OR2T33: variants seen among roughly 807,000 people sequenced by gnomAD.
OR2T33 encodes olfactory receptor 2T33.
Under a neutral mutation model 14.0 loss-of-function variants are expected in OR2T33, and 10 were observed. The ratio of observed to expected loss-of-function variants is 0.72; its 90% CI spans 0.44 to 1.22. The LOEUF (loss-of-function observed/expected upper bound fraction) is 1.22, where lower values mean the gene tolerates loss of function less well. OR2T33 is among the 50% of genes most tolerant of loss of function. The probability of loss-of-function intolerance (pLI) is 0.00; values close to 1 mark genes in which losing one functional copy is unlikely to be tolerated. For synonymous variants in OR2T33, 103 were observed against 159.4 expected (o/e 0.65, Z 2.66); for missense variants, 276 against 405.9 (o/e 0.68, Z 2.75).
intron 1 of OR2T33, among the ~76,000 whole-genome samples, chr1:248,274,257 T>C (rs930828658): frequency 6.6e-6 from 1 of 152,212 alleles, no homozygotes; most frequent in African/African-American, 2.4e-5. Flanking sequence ...CCCAAACATA[T>C]TCAAGATAGG....
At position 248,273,308 on chromosome 1, in the gene OR2T33, T is replaced by C; in HGVS notation, c.507A>G (p.Ala169=). 1.2e-6 allele frequency: 2 copies of C among 1,610,292 alleles called. No individual in the cohort carries two copies. The highest frequency in any genetic ancestry group is 1.7e-6 in the Non-Finnish European group (2 of 1,179,016). ...VVTLSFPYCG[A]HEIDHFFCET... is the part of the protein sequence containing the mutation. ...CGCAGAAGAAGTGATCGATCTCGTG[T>C]GCACCACAATATGGGAAGCTCAGGG... is the stretch of plus-strand genomic sequence containing the variant. The change falls in exon 2 of 2, where the codon GCA becomes GCG. Residue 169 remains alanine, a synonymous_variant. Transcript: ENST00000641220.
Position 248,272,850 on chromosome 1 carries a change from G to A in OR2T33, c.*2C>T, listed in dbSNP as rs1659389723. On this transcript the variant is annotated 3_prime_UTR_variant, in exon 2 of 2. Transcript: ENST00000641220. Reference sequence around the variant, plus strand: ...AGGAACTTAGACTCATTTGACATTAGATCATCTTGACCTGTGGGCCTCATT... The same window carrying A: ...AGGAACTTAGACTCATTTGACATTAAATCATCTTGACCTGTGGGCCTCATT... 4 of 1,605,736 alleles carry A rather than the reference G, an allele frequency of 2.5e-6. No homozygotes were observed. The highest frequency in any genetic ancestry group is 3.4e-6 in the Non-Finnish European group (4 of 1,176,032).
At position 248,273,068 on chromosome 1, in the gene OR2T33, A is replaced by G. The variant is rs552737621; in HGVS notation, c.747T>C (p.Phe249=). The G allele has an allele frequency of 2.5e-6, 4 of 1,613,242 alleles. No individual in the cohort carries two copies. The highest frequency in any genetic ancestry group is 4.5e-5 in the East Asian group (2 of 44,876). The change falls in exon 2 of 2, where the codon TTT becomes TTC. Residue 249 remains phenylalanine, a synonymous_variant. Transcript: ENST00000641220. The part of the protein sequence containing the change: ...CSSHVAVVGL[F]YGAAIFTYMR... ...TATAGGTAAAAATGGCAGCTCCATA[A>G]AAGAGTCCCACCACAGCCACATGTG...
chr1:248,274,251 A>G (rs899393682), intron 1 of OR2T33, among the ~76,000 whole-genome samples: 3 of 152,322 alleles, frequency 2.0e-5, no homozygotes, highest in African/African-American at 7.2e-5. Context: ...TGGAAACCCA[A>G]ACATATTCAA....
At chr1:248,275,816 T>G (rs928636255) in intron 1 of OR2T33, among the ~76,000 whole-genome samples, 3 of 152,190 alleles carry the variant, frequency 2.0e-5, no homozygotes, top group Non-Finnish European at 4.4e-5. Flanking sequence ...TGTCATGATT[T>G]TAGGAAGTAT....
chr1:248,276,656 T>G (rs1035853326), intron 1 of OR2T33, among the ~76,000 whole-genome samples: 2 of 152,178 alleles, frequency 1.3e-5, no homozygotes, highest in Admixed American at 1.3e-4. Flanking sequence ...CCATTGTTTT[T>G]TTCTTTAACA....
rs949334352 is a variant in OR2T33 at position 248,271,074 on chromosome 1, A to G, written c.*1778T>C. ...CTAGGTAATGGCATATTTTAAAATG[A>G]CATAAAGATACCACCACTAGAAGGG... On this transcript the variant is annotated 3_prime_UTR_variant, in exon 2 of 2. Transcript: ENST00000641220. 1.3e-5 allele frequency: 2 copies of G among 152,182 alleles called. No individual in the cohort carries two copies. The highest frequency in any genetic ancestry group is 2.9e-5 in the Non-Finnish European group (2 of 68,024). The allele number at this position is 152,182 out of a possible 1,614,324, so 9.4% of individuals were successfully genotyped here.
At chr1:248,276,180 G>C (rs1248520338) in intron 1 of OR2T33, among the ~76,000 whole-genome samples, 1 of 152,020 alleles carries the variant, frequency 6.6e-6, no homozygotes, top group Non-Finnish European at 1.5e-5. Flanking sequence ...TAATGCTGCT[G>C]CTGATCTGAA....
intron 1 of OR2T33, among the ~76,000 whole-genome samples, chr1:248,274,829 T>C (rs1010550252): frequency 6.6e-6 from 1 of 152,196 alleles, no homozygotes; most frequent in Non-Finnish European, 1.5e-5. Context: ...AAATTGATAT[T>C]TGGCCTGTCT....
At chr1:248,273,862 G>A (rs1470445358) in intron 1 of OR2T33, 40 bp from the exon 2 acceptor site, 1 of 1,570,494 alleles carries the variant, frequency 6.4e-7, no homozygotes, top group Non-Finnish European at 8.6e-7. Flanking sequence ...AGAAGGAAGA[G>A]GCTTTTATGG....
Position 248,273,732 on chromosome 1 carries a change from A to G in OR2T33, c.83T>C (p.Met28Thr). 1.9e-6 allele frequency: 3 copies of G among 1,613,890 alleles called. No individual in the cohort carries two copies. Among genetic ancestry groups the G allele is most frequent in the Non-Finnish European group, 2.5e-6 (3 of 1,179,812 alleles). ...HTRAHQVLFM[M>T]VLSIVLTSLF... ...GGAGGTCAAAACGATACTCAGAACC[A>G]TCATGAAGAGGACTTGGTGGGCTCT... The change falls in exon 2 of 2, where the codon ATG becomes ACG. Residue 28 changes from methionine to threonine, a missense_variant. Physicochemically the swap from Met to Thr is moderately conservative, Grantham distance 81. Transcript: ENST00000641220.
At chr1:248,274,033 A>G (rs1659421935) in intron 1 of OR2T33, among the ~76,000 whole-genome samples, 1 of 152,192 alleles carries the variant, frequency 6.6e-6, no homozygotes, top group African/African-American at 2.4e-5. Flanking sequence ...GAGATCGTGT[A>G]CTACAAACAG....
In OR2T33 at chr1:248,270,747, A is replaced by G. The variant is rs1440440017; in HGVS notation, c.*2105T>C. The stretch of plus-strand genomic sequence containing the variant: ...TATATAATTTTTATAGAGATAATAC[A>G]TAAGAAACACCCACTAATCGTAGAA... On this transcript the variant is annotated 3_prime_UTR_variant, in exon 2 of 2. Transcript: ENST00000641220. 1 of 152,210 alleles carries G rather than the reference A, an allele frequency of 6.6e-6. No homozygotes were observed. The highest frequency in any genetic ancestry group is 1.5e-5 in the Non-Finnish European group (1 of 68,044). The allele number at this position is 152,210 out of a possible 1,614,324, so 9.4% of individuals were successfully genotyped here.
At chr1:248,277,138 A>C (rs1474200402) in intron 1 of OR2T33, among the ~76,000 whole-genome samples, 1 of 149,756 alleles carries the variant, frequency 6.7e-6, no homozygotes, top group Non-Finnish European at 1.5e-5. Context: ...ACATATATTT[A>C]TATATATTTC....
rs1481594776 is a variant in OR2T33 at position 248,270,282 on chromosome 1, G to A, written c.*2570C>T. ...CGGGGCCTGTTGTGGGGTGGGGGAA[G>A]CGGGGAGGGATAGCACTAGGAGATA... is the stretch of plus-strand genomic sequence containing the variant. On this transcript the variant is annotated 3_prime_UTR_variant, in exon 2 of 2. Coordinates refer to ENST00000641220, the MANE Select transcript of OR2T33 (RefSeq NM_001004695.2). 1.3e-5 allele frequency: 2 copies of A among 152,168 alleles called. No homozygotes were observed. The highest frequency in any genetic ancestry group is 2.9e-5 in the Non-Finnish European group (2 of 68,078). The allele number at this position is 152,168 out of a possible 1,614,324, so 9.4% of individuals were successfully genotyped here.
rs567914904 is a variant in OR2T33 at position 248,273,473 on chromosome 1, T to C, written c.342A>G (p.Ala114=). 9.3e-6 allele frequency: 15 copies of C among 1,612,716 alleles called. No individual in the cohort carries two copies. In the Admixed American group the frequency reaches 1.8e-4, roughly 20 times the overall value. ...CCGCATAGCGGTCATAGGCCATGGC[T>C]GCTAAGAGGAAGCACTCTCCACCAC... The part of the protein sequence containing the change: ...TLGGGECFLL[A]AMAYDRYAAV... Residue 114 remains alanine (A), a synonymous_variant, in exon 2 of 2, where the codon GCA becomes GCG. Transcript: ENST00000641220.
intron 1 of OR2T33, among the ~76,000 whole-genome samples, chr1:248,276,702 C>A (rs1161616335): frequency 6.6e-6 from 1 of 152,030 alleles, no homozygotes; most frequent in Non-Finnish European, 1.5e-5. Context: ...CCAGCATCAT[C>A]CTAAGCTGTG....
rs186300660 is a variant in OR2T33, at chr1:248,277,751, C to A, written c.-9+14G>T. On this transcript the variant is annotated intron_variant, in intron 1 of 1. Coordinates refer to ENST00000641220, the MANE Select transcript of OR2T33 (RefSeq NM_001004695.2). ...AAGTAAAGGAAAAATAATTCTCAAA[C>A]AAATTAGACTCACCTTTGTAGTGGA... 1 of 152,138 alleles carries A rather than the reference C, an allele frequency of 6.6e-6. No individual in the cohort carries two copies. The allele number at this position is 152,138 out of a possible 1,614,324, so 9.4% of individuals were successfully genotyped here.
At chr1:248,275,867 A>T (rs1659441435) in intron 1 of OR2T33, among the ~76,000 whole-genome samples, 1 of 152,182 alleles carries the variant, frequency 6.6e-6, no homozygotes, top group Admixed American at 6.6e-5. Context: ...CATGACTTTT[A>T]TTTGTGCTAA....
Sources: gnomAD v4.1 joint callset for allele counts (sites outside exome capture counted in the v4.1 genomes callset) on GRCh38, gnomAD v4.1.1 for gene constraint, MANE v1.5 for transcripts, NCBI Gene and HGNC (gene_info 2026-07-23, HGNC 2026-07-21) for gene names.